Variants in DAW1 observed in about 807,000 individuals in gnomAD.
The protein encoded by DAW1 is dynein assembly factor with WD repeats 1, also known as dynein assembly factor with WD repeat domains 1.
Under a neutral mutation model 56.5 loss-of-function variants are expected in DAW1, and 47 were observed. The observed-to-expected ratio is 0.83, with a 90% CI of 0.66 to 1.06. DAW1 has a LOEUF of 1.06. Among genes scored for constraint, DAW1 ranks in the 50% least tolerant of loss-of-function variants. The probability of loss-of-function intolerance (pLI) is 0.00; values close to 1 mark genes in which losing one functional copy is unlikely to be tolerated. For synonymous variants in DAW1, 190 were observed against 179.0 expected (o/e 1.06, Z -0.49); for missense variants, 505 against 499.3 (o/e 1.01, Z -0.11).
intron 11 of DAW1, among the ~76,000 whole-genome samples, chr2:227,919,479 C>G (rs556482364): frequency 6.6e-6 from 1 of 152,230 alleles, no homozygotes; most frequent in African/African-American, 2.4e-5. Flanking sequence ...ACTGCTTTTC[C>G]TGGTTCCGGT....
intron 1 of DAW1, among the ~76,000 whole-genome samples, chr2:227,880,561 G>A (rs1203246995): frequency 6.6e-6 from 1 of 152,114 alleles, no homozygotes; most frequent in East Asian, 1.9e-4. Context: ...CCTCTAACTA[G>A]CATTTGCTTG....
chr2:227,903,539 G>A (rs1275513054), intron 7 of DAW1, among the ~76,000 whole-genome samples: 1 of 152,152 alleles, frequency 6.6e-6, no homozygotes, highest in Non-Finnish European at 1.5e-5. Flanking sequence ...AGTGACCAGA[G>A]GGGAAAAGGC....
chr2:227,911,207 T>C (rs1304098195), intron 10 of DAW1, among the ~76,000 whole-genome samples: 2 of 143,792 alleles, frequency 1.4e-5, no homozygotes, highest in African/African-American at 5.1e-5. Context: ...TACATATATA[T>C]GTGTATATAT....
intron 8 of DAW1, among the ~76,000 whole-genome samples, chr2:227,905,778 G>A (rs570191144): frequency 6.6e-5 from 10 of 151,102 alleles, no homozygotes; most frequent in Non-Finnish European, 1.2e-4. Flanking sequence ...TTTTTGAGAC[G>A]GAGTCTCGCT....
chr2:227,874,331 A>G (rs1690825722), intron 1 of DAW1, among the ~76,000 whole-genome samples: 2 of 152,138 alleles, frequency 1.3e-5, no homozygotes, highest in Admixed American at 6.5e-5. Flanking sequence ...TTCTTATCTT[A>G]TTTGATTCTT....
At chr2:227,880,075 G>A (rs1327503526) in intron 1 of DAW1, among the ~76,000 whole-genome samples, 2 of 151,946 alleles carry the variant, frequency 1.3e-5, no homozygotes, top group Non-Finnish European at 1.5e-5. Context: ...GTGTCTCCTC[G>A]TTTATCACAA....
At chr2:227,879,033 G>A (rs370884574) in intron 1 of DAW1, among the ~76,000 whole-genome samples, 1 of 151,936 alleles carries the variant, frequency 6.6e-6, no homozygotes, top group African/African-American at 2.4e-5. Flanking sequence ...TGACCTGCCC[G>A]CCTCGGCCTC....
chr2:227,897,723 A>C (rs1390409702), intron 5 of DAW1, among the ~76,000 whole-genome samples: 5 of 152,218 alleles, frequency 3.3e-5, no homozygotes, highest in Non-Finnish European at 7.3e-5. Flanking sequence ...TTAAGAGGAC[A>C]AGCACCGTCT....
chr2:227,918,627 G>A (rs1692030413), intron 10 of DAW1, among the ~76,000 whole-genome samples, 153 bp from the exon 11 acceptor site: 1 of 152,186 alleles, frequency 6.6e-6, no homozygotes, highest in Non-Finnish European at 1.5e-5. Flanking sequence ...GGCATTTAGA[G>A]TATTAAGTAT....
intron 10 of DAW1, among the ~76,000 whole-genome samples, chr2:227,908,073 A>G (rs1007842592): frequency 6.6e-6 from 1 of 152,168 alleles, no homozygotes; most frequent in African/African-American, 2.4e-5. Context: ...GTGCTATCCT[A>G]GGTGTGCTTC....
intron 6 of DAW1, among the ~76,000 whole-genome samples, chr2:227,900,194 G>T (rs1691506422): frequency 1.3e-5 from 2 of 152,040 alleles, no homozygotes; most frequent in African/African-American, 2.4e-5. Flanking sequence ...TTACAGAGTA[G>T]GGTACTGAGG....
chr2:227,883,064 T>C (rs771910670), intron 1 of DAW1, among the ~76,000 whole-genome samples: 4 of 152,204 alleles, frequency 2.6e-5, no homozygotes, highest in Non-Finnish European at 2.9e-5. Flanking sequence ...CTTTTTTTCA[T>C]GGAAAAGCAT....
At chr2:227,872,011 C>G (rs1690762924) in intron 1 of DAW1, 1 of 508,386 alleles carries the variant, frequency 2.0e-6, no homozygotes, top group Non-Finnish European at 3.5e-6. Flanking sequence ...GCTTTGTGCT[C>G]TCTGCTATGG....
At chr2:227,890,365 A>C (rs1691233791) in intron 3 of DAW1, among the ~76,000 whole-genome samples, 1 of 152,194 alleles carries the variant, frequency 6.6e-6, no homozygotes, top group East Asian at 1.9e-4. Flanking sequence ...TTCTGCTTTC[A>C]TGTGAACTAA....
At chr2:227,892,432 C>G (rs996395646) in intron 4 of DAW1, among the ~76,000 whole-genome samples, 4 of 152,230 alleles carry the variant, frequency 2.6e-5, no homozygotes, top group Non-Finnish European at 5.9e-5. Flanking sequence ...CCACGCCCAG[C>G]CGTAACTTAA....
chr2:227,909,138 T>G (rs962985421), intron 10 of DAW1, among the ~76,000 whole-genome samples: 1 of 151,862 alleles, frequency 6.6e-6, no homozygotes, highest in Non-Finnish European at 1.5e-5. Context: ...TAGAAATCCA[T>G]GTATGATGCT....
At chr2:227,911,247 C>CACGTGTATATATACATAT (rs1691809938) in intron 10 of DAW1, among the ~76,000 whole-genome samples, 3 of 138,722 alleles carry the variant, frequency 2.2e-5, no homozygotes, top group African/African-American at 8.3e-5. Context: ...TACATATATA[C>CACGTGTATATATACATAT]ATATATACAC....
chr2:227,901,877 G>T (rs1228564088), intron 6 of DAW1, among the ~76,000 whole-genome samples: 1 of 152,160 alleles, frequency 6.6e-6, no homozygotes, highest in African/African-American at 2.4e-5. Flanking sequence ...AGTCTACAGG[G>T]AAGGAAAAGT....
chr2:227,892,263 GC>G (rs932531025), intron 4 of DAW1, among the ~76,000 whole-genome samples: 2 of 152,044 alleles, frequency 1.3e-5, no homozygotes, highest in Admixed American at 6.5e-5. Context: ...CTCCTGAGTA[GC>G]TGGGATTACA....
Sources: allele counts gnomAD v4.1 joint callset (sites outside exome capture counted in the v4.1 genomes callset), GRCh38; gene constraint gnomAD v4.1.1; transcripts MANE v1.5; gene names NCBI Gene and HGNC (gene_info 2026-07-23, HGNC 2026-07-21).